Variants in BOD1 observed in about 807,000 individuals in gnomAD.
The protein encoded by BOD1 is biorientation of chromosomes in cell division protein 1.
Under a neutral mutation model 15.7 loss-of-function variants are expected in BOD1, and 11 were observed. The ratio of observed to expected loss-of-function variants is 0.70; its 90% CI spans 0.44 to 1.16. The LOEUF is 1.16. Ranked by LOEUF, BOD1 falls within the 50% of genes most tolerant of loss-of-function variation. The pLI is 0.00. For synonymous variants in BOD1, 105 were observed against 103.5 expected, an observed-to-expected ratio of 1.01 and a Z score of -0.09; for missense variants, 182 against 244.5, an observed-to-expected ratio of 0.74 and a Z score of 1.70.
Position 173,616,187 on chromosome 5 carries a change from C to T in BOD1, c.237+13G>A. Reference sequence around the variant, plus strand: ...GCAGCCCCGCTCCCCAACGCCCAGGCGGCCGCAGCTACCTTGGTGTCCACG... The same window carrying T: ...GCAGCCCCGCTCCCCAACGCCCAGGTGGCCGCAGCTACCTTGGTGTCCACG... On this transcript the variant is annotated intron_variant, in intron 1 of 3. Transcript: ENST00000311086. 1.9e-6 allele frequency: 3 copies of T among 1,571,748 alleles called. No homozygotes were observed. The highest frequency in any genetic ancestry group is 8.6e-7 in the Non-Finnish European group (1 of 1,159,642).
chr5:173,611,564 G>A (rs1312092521), intron 2 of BOD1, among the ~76,000 whole-genome samples: 2 of 152,022 alleles, frequency 1.3e-5, no homozygotes, highest in Non-Finnish European at 1.5e-5. Flanking sequence ...TCACAGAGGT[G>A]GTAAAAACTA....
Position 173,616,463 on chromosome 5 carries a change from A to G in BOD1, c.-27T>C. Reference sequence around the variant, plus strand: ...GCTGCGCCCCGGGCCCACAAGGGAGAACGACTATAGCTTCTTCTCCAGGAC... The same window carrying G: ...GCTGCGCCCCGGGCCCACAAGGGAGGACGACTATAGCTTCTTCTCCAGGAC... On this transcript the variant is annotated 5_prime_UTR_variant, in exon 1 of 4. Transcript: ENST00000311086. 2 of 1,559,166 alleles carry G rather than the reference A, an allele frequency of 1.3e-6. No homozygotes were observed. Among genetic ancestry groups the G allele is most frequent in the African/African-American group, 1.4e-5 (1 of 70,724 alleles).
rs1755498537 is a variant in BOD1 at position 173,616,334 on chromosome 5, C to A, written c.103G>T (p.Gly35Cys). 12 of 1,529,854 alleles carry A rather than the reference C, an allele frequency of 7.8e-6. No homozygotes were observed. Among genetic ancestry groups the A allele is most frequent in the Non-Finnish European group, 9.6e-6 (11 of 1,143,660 alleles). The allele number at this position is 1,529,854 out of a possible 1,614,324, so 94.8% of individuals were successfully genotyped here. ...AATGATGASG[G>C]GGPINPASLP... is the part of the protein sequence containing the mutation. The stretch of plus-strand genomic sequence containing the variant: ...GAGGCCGGGTTGATGGGGCCACCGC[C>A]CCCGCTGGCCCCAGTAGCGCCAGTC... Residue 35 changes from glycine (G) to cysteine (C), a missense_variant, in exon 1 of 4, where the codon GGC becomes TGC. By Grantham distance (159) the Gly-to-Cys change is radical. Coordinates refer to ENST00000311086, the MANE Select transcript of BOD1 (RefSeq NM_138369.3).
chr5:173,610,486 G>C (rs1309304150), intron 2 of BOD1, among the ~76,000 whole-genome samples: 1 of 152,192 alleles, frequency 6.6e-6, no homozygotes, highest in Non-Finnish European at 1.5e-5. Flanking sequence ...TTATCGACAG[G>C]AAGCCTAGAT....
intron 1 of BOD1, among the ~76,000 whole-genome samples, chr5:173,615,549 C>A (rs1457968612): frequency 1.3e-5 from 2 of 152,178 alleles, no homozygotes; most frequent in Non-Finnish European, 2.9e-5. Context: ...ATGTCTGATA[C>A]TTAACACCCA....
intron 1 of BOD1, among the ~76,000 whole-genome samples, chr5:173,615,795 G>A (rs145294445): frequency 3.2e-4 from 48 of 152,338 alleles, no homozygotes; most frequent in African/African-American, 1.1e-3. Flanking sequence ...TGATGACTGT[G>A]TGTTCAAATC....
At chr5:173,608,635 A>T (rs1347495433) in intron 3 of BOD1, among the ~76,000 whole-genome samples, 1 of 152,372 alleles carries the variant, frequency 6.6e-6, no homozygotes, top group East Asian at 1.9e-4. Context: ...TGCTAACTTC[A>T]TCGCTGCTCC....
In BOD1 at chr5:173,609,359, C is replaced by T. The variant is rs1324471098; in HGVS notation, c.438G>A (p.Arg146=). ...VVDPKLNHIF[R]PQIERAIHEF... ...CATGAATTGCTCGTTCTATTTGTGG[C>T]CTGAAGATGTGGTTAAGTTTTGGAT... Residue 146 remains arginine (R), a synonymous_variant, in exon 3 of 4, where the codon AGG becomes AGA. Coordinates refer to ENST00000311086, the MANE Select transcript of BOD1 (RefSeq NM_138369.3). 1 of 1,614,206 alleles carries T rather than the reference C, an allele frequency of 6.2e-7. No homozygotes were observed. Among genetic ancestry groups the T allele is most frequent in the Admixed American group, 1.7e-5 (1 of 60,028 alleles).
chr5:173,616,377 C>T lies in BOD1; in HGVS notation c.60G>A (p.Gln20=). 6.6e-7 allele frequency: 1 copy of T among 1,519,710 alleles called. No individual in the cohort carries two copies. Among genetic ancestry groups the T allele is most frequent in the Non-Finnish European group, 8.8e-7 (1 of 1,142,014 alleles). The allele number at this position is 1,519,710 out of a possible 1,614,324, so 94.1% of individuals were successfully genotyped here. A position where few individuals can be genotyped will look rare whatever the true frequency, so the allele number is the denominator to read the frequency against. Residue 20 remains glutamine (Q), a synonymous_variant, in exon 1 of 4, where the codon CAG becomes CAA. Transcript: ENST00000311086. ...TGAVGGGGTS[Q]ASAGAATGAT... ...CGCCAGTCGCTGCCCCGGCAGAGGC[C>T]TGGCTAGTTCCGCCGCCGCCCACCG...
chr5:173,611,065 T>G (rs1329350229), intron 2 of BOD1, among the ~76,000 whole-genome samples: 1 of 152,196 alleles, frequency 6.6e-6, no homozygotes, highest in Non-Finnish European at 1.5e-5. Context: ...TACGGCGCCT[T>G]GTTAAAGCAT....
rs1328665299 is a variant in BOD1 at position 173,616,444 on chromosome 5, C to T, written c.-8G>A. ...GCCGCCGCCGTCCGCCATGGCTGCG[C>T]CCCGGGCCCACAAGGGAGAACGACT... is the stretch of plus-strand genomic sequence containing the variant. On this transcript the variant is annotated 5_prime_UTR_variant, in exon 1 of 4. Transcript: ENST00000311086. 1.1e-5 allele frequency: 17 copies of T among 1,558,000 alleles called. No homozygotes were observed. The East Asian group carries it at 3.9e-4, about 36-fold the overall frequency.
chr5:173,613,400 C>A, intron 1 of BOD1, 145 bp from the exon 2 acceptor site: 1 of 996,240 alleles, frequency 1.0e-6, no homozygotes, highest in South Asian at 1.4e-5. Context: ...TGCAATGTGG[C>A]AGTCAGGAAT....
intron 1 of BOD1, among the ~76,000 whole-genome samples, chr5:173,613,572 T>A (rs1755412837): frequency 6.6e-6 from 1 of 152,244 alleles, no homozygotes; most frequent in Non-Finnish European, 1.5e-5. Context: ...AGCCACCAGC[T>A]GAAGCCTTCC....
chr5:173,609,282 G>A lies in BOD1; in HGVS notation c.515C>T (p.Pro172Leu), dbSNP rs1362609376. The A allele has an allele frequency of 1.2e-5, 20 of 1,614,182 alleles. No individual in the cohort carries two copies. Among genetic ancestry groups the A allele is most frequent in the Non-Finnish European group, 1.6e-5 (19 of 1,180,028 alleles). Reference protein sequence around the residue: ...KAAVPAPPPEPEGQDPPAPSQ... With the variant: ...KAAVPAPPPELEGQDPPAPSQ... Reference sequence around the variant, plus strand: ...TGGAGCTGGAGGGTCCTGGCCTTCGGGCTCTGGAGGGGGTGCTGGCACAGC... The same window carrying A: ...TGGAGCTGGAGGGTCCTGGCCTTCGAGCTCTGGAGGGGGTGCTGGCACAGC... Residue 172 changes from proline to leucine, a missense_variant, in exon 3 of 4, where the codon CCC becomes CTC. This residue lies in a region of BOD1 where 40 missense variants were observed against 45.3 expected (regional missense o/e 0.88). Coordinates refer to ENST00000311086, the MANE Select transcript of BOD1 (RefSeq NM_138369.3).
rs545037421 is a variant in BOD1, at chr5:173,609,507, G to A, written c.363-73C>T. ...CATCTTTAGCCCCAATAAGTGTCAC[G>A]TGCGAGCCCAATAAATGTCCACCTT... On this transcript the variant is annotated intron_variant, in intron 2 of 3. Coordinates refer to ENST00000311086, the MANE Select transcript of BOD1 (RefSeq NM_138369.3). 4.6e-4 allele frequency: 645 copies of A among 1,413,426 alleles called. 2 individuals are homozygous for A. Among genetic ancestry groups the A allele is most frequent in the Middle Eastern group, 7.5e-4 (4 of 5,324 alleles). The allele number at this position is 1,413,426 out of a possible 1,614,324, so 87.6% of individuals were successfully genotyped here. A position where few individuals can be genotyped will look rare whatever the true frequency, so the allele number is the denominator to read the frequency against.
chr5:173,609,606 T>C, intron 2 of BOD1, 172 bp from the exon 3 acceptor site: 2 of 613,916 alleles, frequency 3.3e-6, no homozygotes, highest in Non-Finnish European at 5.6e-6. Context: ...TTTTCACTTT[T>C]GAGGGGTAAT....
intron 3 of BOD1, among the ~76,000 whole-genome samples, 153 bp from the exon 4 acceptor site, chr5:173,608,445 G>A (rs1425022941): frequency 6.6e-6 from 1 of 152,148 alleles, no homozygotes; most frequent in Non-Finnish European, 1.5e-5. Context: ...CTCAATAGAG[G>A]AACAAAAAGA....
chr5:173,609,798 A>T (rs1755301292), intron 2 of BOD1: 2 of 199,256 alleles, frequency 1.0e-5, no homozygotes, highest in Admixed American at 1.1e-4. Context: ...AAAGCCAGTA[A>T]GCCCCGAATT....
chr5:173,608,426 A>C, intron 3 of BOD1, 134 bp from the exon 4 acceptor site: 1 of 702,732 alleles, frequency 1.4e-6, no homozygotes, highest in Non-Finnish European at 2.4e-6. Context: ...ATTGGACTCA[A>C]GGGCTTCTCT....
Sources: gnomAD v4.1 joint callset for allele counts (sites outside exome capture counted in the v4.1 genomes callset) on GRCh38, gnomAD v4.1.1 for gene constraint, gnomAD v4.1.1 regional missense constraint, MANE v1.5 for transcripts, NCBI Gene and HGNC (gene_info 2026-07-23, HGNC 2026-07-21) for gene names.